Variants in MAST4 observed in about 807,000 individuals in gnomAD.
MAST4 encodes the protein microtubule associated serine/threonine kinase family member 4, also known as microtubule-associated serine/threonine-protein kinase 4.
Under a neutral mutation model 162.7 loss-of-function variants are expected in MAST4, and 89 were observed. The ratio of observed to expected loss-of-function variants is 0.55; its 90% CI spans 0.46 to 0.65. The LOEUF (loss-of-function observed/expected upper bound fraction) is 0.65, where lower values mean the gene tolerates loss of function less well. MAST4 is among the 30% of genes least tolerant of loss of function. MAST4 has a pLI of 0.00. For synonymous variants in MAST4, 1,479 were observed against 1,361.1 expected, an observed-to-expected ratio of 1.09 and a Z score of -1.91; for missense variants, 3,153 against 3,374.0, an observed-to-expected ratio of 0.93 and a Z score of 1.62.
chr5:67,096,791 A>G (rs939459905), intron 7 of MAST4, among the ~76,000 whole-genome samples: 1 of 152,134 alleles, frequency 6.6e-6, no homozygotes, highest in Non-Finnish European at 1.5e-5. Flanking sequence ...TTATTTTTCT[A>G]TCCATTATTC....
At chr5:67,078,916 ATATATATATATATATATATATAT>A (rs1762186629) in intron 5 of MAST4, among the ~76,000 whole-genome samples, 3 of 65,684 alleles carry the variant, frequency 4.6e-5, no homozygotes, top group South Asian at 5.0e-4. Flanking sequence ...ATATAAATAT[ATATATATATATATATATATATAT>A]ATATATATAT....
chr5:66,757,109 C>T (rs185418388), intron 1 of MAST4, among the ~76,000 whole-genome samples: 2 of 152,068 alleles, frequency 1.3e-5, no homozygotes, highest in Non-Finnish European at 2.9e-5. Flanking sequence ...ATCTTCTTTC[C>T]TCTGCTTGTT....
intron 4 of MAST4, among the ~76,000 whole-genome samples, chr5:66,909,151 C>G (rs994902139): frequency 6.6e-6 from 1 of 152,102 alleles, no homozygotes; most frequent in African/African-American, 2.4e-5. Flanking sequence ...AGGGGCTGTT[C>G]CATTTCCATG....
chr5:66,821,050 C>A (rs1033525941), intron 3 of MAST4, among the ~76,000 whole-genome samples: 1 of 152,188 alleles, frequency 6.6e-6, no homozygotes, highest in South Asian at 2.1e-4. Context: ...ACATGGGATG[C>A]GGCATATTTC....
intron 7 of MAST4, among the ~76,000 whole-genome samples, chr5:67,099,365 C>T (rs185676680): frequency 2.3e-4 from 35 of 151,798 alleles, no homozygotes; most frequent in Non-Finnish European, 4.0e-4. Flanking sequence ...TCCTCTTTGT[C>T]TCAATATGTA....
chr5:66,778,032 T>C (rs1315331265), intron 2 of MAST4, among the ~76,000 whole-genome samples: 4 of 152,196 alleles, frequency 2.6e-5, no homozygotes, highest in African/African-American at 9.6e-5. Context: ...GGAGGCCAGT[T>C]TGCAGATGTT....
rs888446086 is a variant in MAST4 at position 66,807,489 on chromosome 5, C to T, written c.642+18695C>T. Among the ~76,000 whole-genome samples, 139 of 144,640 alleles carry T rather than the reference C, an allele frequency of 9.6e-4. 1 individual carries two copies. Among genetic ancestry groups the T allele is most frequent in the African/African-American group, 3.3e-3 (130 of 39,676 alleles). 94.9% of individuals were successfully genotyped at this position (144,640 alleles called of 152,430 possible). ...CCGCAGTCCGGCCTGGGCGACAGAG[C>T]GAGACTCCGTCTCAAAAAAAAAAAA... On this transcript the variant is annotated intron_variant, in intron 3 of 28. Coordinates refer to ENST00000403625, the MANE Select transcript of MAST4 (RefSeq NM_001164664.2).
intron 2 of MAST4, among the ~76,000 whole-genome samples, chr5:66,780,533 A>T (rs1754816848): frequency 6.6e-6 from 1 of 152,296 alleles, no homozygotes; most frequent in Non-Finnish European, 1.5e-5. Flanking sequence ...TACAGCTCTT[A>T]AAGGTCGTGC....
In MAST4 at chr5:66,824,289, TCTGA is replaced by T. The variant is rs371557436; in HGVS notation, c.642+35499_642+35502del. Among the ~76,000 whole-genome samples the T allele has an allele frequency of 3.1e-3, 478 of 152,304 alleles. 2 individuals are homozygous for T. The highest frequency in any genetic ancestry group is 0.011 in the African/African-American group (452 of 41,572). ...ATCACATTCCTAGCACACCAAGAAC[TCTGA>T]CTGGTGGGACGAGGGGCAGGGCAAC... On this transcript the variant is annotated intron_variant, in intron 3 of 28. Coordinates refer to ENST00000403625, the MANE Select transcript of MAST4 (RefSeq NM_001164664.2).
At chr5:67,113,109 C>T (rs1057260137) in intron 11 of MAST4, among the ~76,000 whole-genome samples, 5 of 151,902 alleles carry the variant, frequency 3.3e-5, no homozygotes, top group East Asian at 1.9e-4. Context: ...GTCAGGAGAT[C>T]GAGACCATCC....
chr5:66,963,640 A>G, intron 4 of MAST4: 1 of 773,954 alleles, frequency 1.3e-6, no homozygotes, highest in South Asian at 1.4e-5. Context: ...ACAGTCCCTT[A>G]ACTGAGCTAT....
intron 4 of MAST4, among the ~76,000 whole-genome samples, chr5:66,990,140 G>T (rs1749911129): frequency 6.6e-6 from 1 of 152,122 alleles, no homozygotes; most frequent in Admixed American, 6.5e-5. Context: ...TTCTTTTAAA[G>T]ACCTCTTTAA....
chr5:66,878,870 C>A (rs1761483399), intron 3 of MAST4, among the ~76,000 whole-genome samples: 2 of 152,178 alleles, frequency 1.3e-5, no homozygotes, highest in African/African-American at 4.8e-5. Flanking sequence ...GAACTGCAGA[C>A]CCCTAACAAT....
At chr5:66,883,613 G>A (rs1393947432) in intron 3 of MAST4, among the ~76,000 whole-genome samples, 1 of 151,912 alleles carries the variant, frequency 6.6e-6, no homozygotes, top group Non-Finnish European at 1.5e-5. Flanking sequence ...ATTTTTAGTA[G>A]AGACAGGATT....
At chr5:66,755,523 G>A (rs1208217309) in intron 1 of MAST4, among the ~76,000 whole-genome samples, 9 of 152,260 alleles carry the variant, frequency 5.9e-5, no homozygotes, top group South Asian at 2.1e-4. Flanking sequence ...GCATATAGCC[G>A]TAGATAAAGA....
rs1769005403 is a variant in MAST4, at chr5:67,131,813, G to A, written c.1955G>A (p.Gly652Glu). 1 of 1,612,592 alleles carries A rather than the reference G, an allele frequency of 6.2e-7. No homozygotes were observed. Among genetic ancestry groups the A allele is most frequent in the East Asian group, 2.2e-5 (1 of 44,832 alleles). The part of the protein sequence containing the change: ...HLCMVMEYVE[G>E]GDCATLMKNM... ...ACTAACTCTTTTTCCTGTGTTACAGGGGGAGACTGTGCTACTTTAATGAAA... is the reference window on the plus strand; with the variant it reads ...ACTAACTCTTTTTCCTGTGTTACAGAGGGAGACTGTGCTACTTTAATGAAA... The change falls in exon 16 of 29, where the codon GGG becomes GAG. Residue 652 changes from glycine (G) to glutamate (E), a missense_variant and splice_region_variant. Coordinates refer to ENST00000403625, the MANE Select transcript of MAST4 (RefSeq NM_001164664.2).
intron 23 of MAST4, among the ~76,000 whole-genome samples, chr5:67,146,859 C>T (rs1358758622): frequency 2.0e-5 from 3 of 152,192 alleles, no homozygotes; most frequent in Non-Finnish European, 4.4e-5. Context: ...ATCTCTAGTT[C>T]ATGCTGATGC....
chr5:66,713,025 G>T (rs1350743047), intron 1 of MAST4, among the ~76,000 whole-genome samples: 1 of 152,072 alleles, frequency 6.6e-6, no homozygotes, highest in African/African-American at 2.4e-5. Context: ...TTTCCATCTG[G>T]ATCTCTCCAC....
chr5:66,687,658 A>G (rs1189516132), intron 1 of MAST4, among the ~76,000 whole-genome samples: 2 of 148,570 alleles, frequency 1.3e-5, no homozygotes, highest in African/African-American at 5.2e-5. Flanking sequence ...CTATCTATCT[A>G]TCTATCTATC....
Sources: allele counts gnomAD v4.1 joint callset (sites outside exome capture counted in the v4.1 genomes callset), GRCh38; gene constraint gnomAD v4.1.1; transcripts MANE v1.5; gene names NCBI Gene and HGNC (gene_info 2026-07-23, HGNC 2026-07-21).